CDK11A: variants seen among roughly 807,000 people sequenced by gnomAD.
The protein encoded by CDK11A is cyclin dependent kinase 11A.
In CDK11A, 55 loss-of-function variants were observed where a neutral mutation model predicts 83.6. The observed-to-expected ratio is 0.66, with a 90% confidence interval of 0.53 to 0.82. The LOEUF (loss-of-function observed/expected upper bound fraction) is 0.82. Among genes scored for constraint, CDK11A ranks in the 40% least tolerant of loss-of-function variants. The pLI is 0.00. For synonymous variants in CDK11A, 247 were observed against 302.7 expected (o/e 0.82, Z 1.91); for missense variants, 564 against 810.1 (o/e 0.70, Z 3.69).
intron 3 of CDK11A, among the ~76,000 whole-genome samples, 173 bp from the exon 4 acceptor site, chr1:1,719,628 T>C (rs1299758526): frequency 1.5e-5 from 2 of 134,006 alleles, no homozygotes; most frequent in South Asian, 5.1e-4. Flanking sequence ...TTTTTTTTTT[T>C]TTTTTTAGAC....
chr1:1,719,188 C>T (rs112012562), intron 4 of CDK11A, 140 bp downstream of exon 4: 8 of 684,380 alleles, frequency 1.2e-5, no homozygotes, highest in East Asian at 3.4e-5. Flanking sequence ...CCCTTCTGAA[C>T]GGTCTGTGAC....
At chr1:1,716,730 A>T (rs1198347840) in intron 4 of CDK11A, among the ~76,000 whole-genome samples, 2 of 143,684 alleles carry the variant, frequency 1.4e-5, no homozygotes, top group Non-Finnish European at 3.0e-5. Flanking sequence ...CTGTAGAATC[A>T]CTTGAACCTG....
At position 1,719,402 on chromosome 1, in the gene CDK11A, T is replaced by G; in HGVS notation, c.281A>C (p.Lys94Thr). 6.5e-7 allele frequency: 1 copy of G among 1,538,350 alleles called. No homozygotes were observed. The highest frequency in any genetic ancestry group is 8.7e-7 in the Non-Finnish European group (1 of 1,145,006). Reference protein sequence around the residue: ...AIKPPQQMSRKEKVHHRKDEK... With the variant: ...AIKPPQQMSRTEKVHHRKDEK... ...ATCTTTTCTGTGATGAACTTTTTCT[T>G]TCCGAGACATTTGCTGGGGTGGTTT... Residue 94 changes from lysine (K) to threonine (T), a missense_variant, in exon 4 of 20, where the codon AAA becomes ACA. Lys to Thr is a moderately conservative substitution (Grantham distance 78, BLOSUM62 -1). Around this residue, in one of 5 missense-constraint regions of CDK11A, gnomAD observed 151 missense variants for 147.4 expected, o/e 1.02. Transcript: ENST00000404249.
intron 13 of CDK11A, 29 bp downstream of exon 13, chr1:1,704,875 G>C (rs776019690): frequency 6.2e-7 from 1 of 1,606,774 alleles, no homozygotes; most frequent in Non-Finnish European, 8.5e-7. Context: ...CCTTCCACCC[G>C]GGGCCAGGCG....
intron 2 of CDK11A, among the ~76,000 whole-genome samples, chr1:1,722,307 AC>A (rs1644935764): frequency 6.6e-6 from 1 of 150,644 alleles, no homozygotes; most frequent in Non-Finnish European, 1.5e-5. Context: ...AATGCCTCTT[AC>A]CAAATTACTA....
chr1:1,720,667 G>A (rs1457688086), intron 3 of CDK11A, among the ~76,000 whole-genome samples: 1 of 148,500 alleles, frequency 6.7e-6, no homozygotes, highest in African/African-American at 2.5e-5. Context: ...AAAGTGCTGG[G>A]ATTACAGGCA....
At chr1:1,704,387 G>T (rs1367708706) in intron 14 of CDK11A, 43 bp from the exon 15 acceptor site, 2 of 1,603,246 alleles carry the variant, frequency 1.2e-6, no homozygotes, top group Non-Finnish European at 8.5e-7. Context: ...GCCGCCCCAA[G>T]CCCAGGGCAC....
chr1:1,702,458 G>C lies in CDK11A; in HGVS notation c.*449C>G, dbSNP rs1415512027. Among the ~76,000 whole-genome samples the C allele has an allele frequency of 6.8e-5, 8 of 118,282 alleles. No individual in the cohort carries two copies. The highest frequency in any genetic ancestry group is 1.3e-4 in the Non-Finnish European group (7 of 52,640). The allele number at this position is 118,282 out of a possible 152,430, so 77.6% of individuals were successfully genotyped here. On this transcript the variant is annotated 3_prime_UTR_variant, in exon 20 of 20. Transcript: ENST00000404249. ...AAAACCTGTCGAGTCTGCTGGCACA[G>C]CTGGGGCTGGGGGTTGGGGGCCGGG...
rs72901775 is a variant in CDK11A at position 1,716,375 on chromosome 1, T to C, written c.459A>G (p.Glu153=). The stretch of plus-strand genomic sequence containing the variant: ...CTCTCCTGGAATGCTCCCTTGCCAT[T>C]TCCCTTCTCTTCTGTCTTTCCCATT... ...RREWERQKRR[E]MAREHSRRER... Residue 153 remains glutamate, a synonymous_variant, in exon 5 of 20, where the codon GAA becomes GAG. Transcript: ENST00000404249. 9.3e-6 allele frequency: 15 copies of C among 1,609,006 alleles called. 1 individual carries two copies. The highest frequency in any genetic ancestry group is 1.7e-4 in the Middle Eastern group (1 of 6,054).
At chr1:1,718,157 C>A (rs1644750537) in intron 4 of CDK11A, among the ~76,000 whole-genome samples, 1 of 146,748 alleles carries the variant, frequency 6.8e-6, no homozygotes. Context: ...AGAGTTTGCT[C>A]TCTCTGGTTT....
chr1:1,720,787 A>G (rs4648777), intron 3 of CDK11A, among the ~76,000 whole-genome samples: 120,934 of 149,616 alleles, frequency 0.81, 51,212 homozygotes, highest in Non-Finnish European at 0.93. Context: ...TGCCTCCCAC[A>G]TTCAAGCAAT....
At position 1,703,919 on chromosome 1, in the gene CDK11A, T is replaced by C. The variant is rs767559638; in HGVS notation, c.1816A>G (p.Met606Val). ...GAKEYSTAVD[M>V]WSVGCIFGEL... ...CCGAAGATGCAGCCCACTGACCACA[T>C]GTCCACGGCCGTGGAGTATTCCTAA... The change falls in exon 17 of 20, where the codon ATG (methionine) becomes GTG (valine). Residue 606 changes from methionine (M) to valine (V), a missense_variant. Physicochemically the swap from Met to Val is conservative, Grantham distance 21. Around this residue, in one of 5 missense-constraint regions of CDK11A, gnomAD observed 361 missense variants for 402.7 expected, o/e 0.90. Coordinates refer to ENST00000404249, the MANE Select transcript of CDK11A (RefSeq NM_024011.4). 2 of 1,609,590 alleles carry C rather than the reference T, an allele frequency of 1.2e-6. No individual in the cohort carries two copies. The highest frequency in any genetic ancestry group is 1.7e-5 in the Admixed American group (1 of 59,806).
chr1:1,720,137 A>G (rs1644850355), intron 3 of CDK11A, among the ~76,000 whole-genome samples: 1 of 150,658 alleles, frequency 6.6e-6, no homozygotes, highest in Admixed American at 6.6e-5. Context: ...TCTGTCGCCC[A>G]GGCTGGAGGG....
Position 1,721,624 on chromosome 1 carries a change from A to G in CDK11A, c.199T>C (p.Tyr67His). 2 of 1,607,298 alleles carry G rather than the reference A, an allele frequency of 1.2e-6. No individual in the cohort carries two copies. The highest frequency in any genetic ancestry group is 2.2e-5 in the South Asian group (2 of 90,696). ...CMEITIRNSPYRREDSMEDRG... is the reference protein window; with the variant it reads ...CMEITIRNSPHRREDSMEDRG... ...TCTTCCATTGAGTCTTCTCTTCTATACGGGGAGTTCCTTATTGTGATCTCC... is the reference window on the plus strand; with the variant it reads ...TCTTCCATTGAGTCTTCTCTTCTATGCGGGGAGTTCCTTATTGTGATCTCC... Residue 67 changes from tyrosine to histidine, a missense_variant, in exon 3 of 20, where the codon TAT becomes CAT. This residue lies in a region of CDK11A where 151 missense variants were observed against 147.4 expected (regional missense o/e 1.02). Coordinates refer to ENST00000404249, the MANE Select transcript of CDK11A (RefSeq NM_024011.4).
Position 1,703,889 on chromosome 1 carries a change from G to A in CDK11A, c.1846C>T (p.Leu616=), listed in dbSNP as rs1446416542. Residue 616 remains leucine (L), a synonymous_variant, in exon 17 of 20, where the codon CTG becomes TTG. Transcript: ENST00000404249. ...GGGAACAGAGGCTTCTGAGTCAGCA[G>A]CTCCCCGAAGATGCAGCCCACTGAC... ...MWSVGCIFGE[L]LTQKPLFPGN... The A allele has an allele frequency of 5.0e-6, 8 of 1,609,678 alleles. No individual in the cohort carries two copies. Among genetic ancestry groups the A allele is most frequent in the South Asian group, 1.1e-5 (1 of 90,802 alleles).
chr1:1,716,814 C>CAAAAAAAAAAAAAAAAAAAAA (rs1168780288), intron 4 of CDK11A, among the ~76,000 whole-genome samples: 3 of 76,680 alleles, frequency 3.9e-5, no homozygotes, highest in East Asian at 3.8e-4. Context: ...GACTCCATCT[C>CAAAAAAAAAAAAAAAAAAAAA]AAAAAAAAAA....
chr1:1,717,384 C>T (rs927801299), intron 4 of CDK11A, among the ~76,000 whole-genome samples: 6 of 73,790 alleles, frequency 8.1e-5, no homozygotes, highest in East Asian at 8.4e-4. Flanking sequence ...TCCTAACACC[C>T]GTAAGAATCT....
rs1375005971 is a variant in CDK11A at position 1,702,457 on chromosome 1, A to AGCTGGG, written c.*444_*449dup. Among the ~76,000 whole-genome samples, 1 of 118,482 alleles carries AGCTGGG rather than the reference A, an allele frequency of 8.4e-6. No homozygotes were observed. Among genetic ancestry groups the AGCTGGG allele is most frequent in the South Asian group, 3.2e-4 (1 of 3,126 alleles). 77.7% of individuals were successfully genotyped at this position (118,482 alleles called of 152,430 possible). A position where few individuals can be genotyped will look rare whatever the true frequency, so the allele number is the denominator to read the frequency against. ...AAAAACCTGTCGAGTCTGCTGGCAC[A>AGCTGGG]GCTGGGGCTGGGGGTTGGGGGCCGG... On this transcript the variant is annotated 3_prime_UTR_variant, in exon 20 of 20. Transcript: ENST00000404249.
At position 1,721,873 on chromosome 1, in the gene CDK11A, A is replaced by G. The variant is rs951897964; in HGVS notation, c.112-162T>C. ...TATAAAATATAAAGAATTTTTGGCC[A>G]GGTGCAGTGGCTCACGCTTGTTAAT... is the stretch of plus-strand genomic sequence containing the variant. On this transcript the variant is annotated intron_variant, in intron 2 of 19. Coordinates refer to ENST00000404249, the MANE Select transcript of CDK11A (RefSeq NM_024011.4). 7.2e-6 allele frequency: 7 copies of G among 972,724 alleles called. 1 individual carries two copies. Among genetic ancestry groups the G allele is most frequent in the African/African-American group, 3.5e-5 (2 of 57,534 alleles). The allele number at this position is 972,724 out of a possible 1,614,324, so 60.3% of individuals were successfully genotyped here.
Sources: gnomAD v4.1 joint callset for allele counts (sites outside exome capture counted in the v4.1 genomes callset) on GRCh38, gnomAD v4.1.1 for gene constraint, gnomAD v4.1.1 regional missense constraint, MANE v1.5 for transcripts, NCBI Gene and HGNC (gene_info 2026-07-23, HGNC 2026-07-21) for gene names.